ARHGAP25: variants seen among roughly 807,000 people sequenced by gnomAD.
ARHGAP25 encodes the protein Rho GTPase activating protein 25.
Under a neutral mutation model 71.0 loss-of-function variants are expected in ARHGAP25, and 34 were observed. The observed-to-expected ratio is 0.48, with a 90% CI of 0.36 to 0.64. ARHGAP25 has a LOEUF of 0.64. Among genes scored for constraint, ARHGAP25 ranks in the 30% least tolerant of loss-of-function variants. The pLI, the probability that ARHGAP25 is intolerant of heterozygous loss-of-function variation, is 0.00. For missense variants in ARHGAP25, 706 were observed against 805.1 expected (o/e 0.88, Z 1.49); for synonymous variants, 282 against 296.5 (o/e 0.95, Z 0.50).
intron 1 of ARHGAP25, among the ~76,000 whole-genome samples, chr2:68,736,463 A>G (rs983489428): frequency 1.3e-5 from 2 of 152,198 alleles, no homozygotes; most frequent in Non-Finnish European, 2.9e-5. Context: ...TACAAATTAT[A>G]TGGTTCTGTT....
At chr2:68,811,592 G>A (rs761101867) in intron 5 of ARHGAP25, among the ~76,000 whole-genome samples, 1 of 152,312 alleles carries the variant, frequency 6.6e-6, no homozygotes, top group East Asian at 1.9e-4. Flanking sequence ...CATAGAGTGG[G>A]CTCTGTGCCA....
At chr2:68,727,982 G>A (rs1229955309) in intron 2 of ARHGAP25, among the ~76,000 whole-genome samples, 1 of 152,196 alleles carries the variant, frequency 6.6e-6, no homozygotes, top group Non-Finnish European at 1.5e-5. Flanking sequence ...AAATGCAGCT[G>A]AAGTACATAG....
chr2:68,782,224 A>C lies in ARHGAP25; in HGVS notation c.262-9A>C. ...GCTTATCCTTAAGGCCTGACTTTTC[A>C]TCTTTCAGGGCTGCATGTATCTACC... On this transcript the variant is annotated splice_polypyrimidine_tract_variant and intron_variant, in intron 2 of 10. Coordinates refer to ENST00000409202, the MANE Select transcript of ARHGAP25 (RefSeq NM_001007231.3). 1 of 1,613,558 alleles carries C rather than the reference A, an allele frequency of 6.2e-7. No individual in the cohort carries two copies. The highest frequency in any genetic ancestry group is 8.5e-7 in the Non-Finnish European group (1 of 1,179,672).
At chr2:68,799,908 G>A (rs1003746141) in intron 4 of ARHGAP25, among the ~76,000 whole-genome samples, 2 of 152,156 alleles carry the variant, frequency 1.3e-5, no homozygotes, top group African/African-American at 4.8e-5. Context: ...CTGGCTCATC[G>A]GAGGCGTGAG....
chr2:68,727,732 C>T lies in ARHGAP25; in HGVS notation c.-18+17034C>T, dbSNP rs145482836. Among the ~76,000 whole-genome samples, 923 of 152,374 alleles carry T rather than the reference C, an allele frequency of 6.1e-3. 7 individuals are homozygous for T. Among genetic ancestry groups the T allele is most frequent in the Non-Finnish European group, 8.7e-3 (593 of 68,036 alleles). On this transcript the variant is annotated intron_variant and NMD_transcript_variant, in intron 2 of 7. Coordinates refer to the ARHGAP25 transcript ENST00000463483. Reference sequence around the variant, plus strand: ...CCGTGAGGCAGCTGGAATAGGATTGCTCCATTCCCCTGCCCAGGCATTGTT... The same window carrying T: ...CCGTGAGGCAGCTGGAATAGGATTGTTCCATTCCCCTGCCCAGGCATTGTT...
intron 9 of ARHGAP25, chr2:68,819,723 G>C (rs910377671): frequency 2.5e-5 from 13 of 511,236 alleles, no homozygotes; most frequent in African/African-American, 3.8e-5. Flanking sequence ...CCCATGAAAC[G>C]TGATTCCTTT....
chr2:68,793,940 T>C (rs1679369141), intron 4 of ARHGAP25, among the ~76,000 whole-genome samples: 1 of 152,188 alleles, frequency 6.6e-6, no homozygotes, highest in African/African-American at 2.4e-5. Flanking sequence ...CATTTACAAT[T>C]TCTTTTGTCA....
rs115232205 is a variant in ARHGAP25, at chr2:68,807,154, A to G, written c.467-119A>G. ...ATATTCTGAGTGATTTATCTCCCAT[A>G]TTTTGTCTAGTATCATTGCAATAAA... is the stretch of plus-strand genomic sequence containing the variant. On this transcript the variant is annotated intron_variant, in intron 4 of 10. Coordinates refer to ENST00000409202, the MANE Select transcript of ARHGAP25 (RefSeq NM_001007231.3). The G allele has an allele frequency of 4.5e-3, 4,048 of 898,568 alleles. 16 individuals carry two copies. Among genetic ancestry groups the G allele is most frequent in the Non-Finnish European group, 6.5e-3 (3,630 of 559,946 alleles). 55.7% of individuals were successfully genotyped at this position (898,568 alleles called of 1,614,324 possible).
At chr2:68,723,153 T>C (rs1018323109) in intron 2 of ARHGAP25, among the ~76,000 whole-genome samples, 10 of 152,144 alleles carry the variant, frequency 6.6e-5, no homozygotes, top group Non-Finnish European at 2.9e-5. Flanking sequence ...GAGGCAGTGG[T>C]CATAAATGAA....
intron 2 of ARHGAP25, among the ~76,000 whole-genome samples, chr2:68,781,327 T>C (rs1340641684): frequency 2.0e-5 from 3 of 152,012 alleles, no homozygotes; most frequent in Non-Finnish European, 4.4e-5. Context: ...GAGGCAGAGG[T>C]TGCAATGAGC....
intron 2 of ARHGAP25, among the ~76,000 whole-genome samples, chr2:68,721,881 C>CT (rs148602669): frequency 3.7e-4 from 57 of 152,362 alleles, no homozygotes; most frequent in African/African-American, 1.3e-3. Context: ...CTCTCCTTTC[C>CT]TACCTACTCC....
chr2:68,770,539 G>A (rs114214953), intron 1 of ARHGAP25, among the ~76,000 whole-genome samples: 3,616 of 152,256 alleles, frequency 0.024, 55 homozygotes, highest in Non-Finnish European at 0.035. Flanking sequence ...AAGTGATAAC[G>A]TTTCTCAGCT....
chr2:68,822,806 G>A lies in ARHGAP25; in HGVS notation c.1667G>A (p.Arg556Lys). The A allele has an allele frequency of 6.2e-7, 1 of 1,614,172 alleles. No individual in the cohort carries two copies. The highest frequency in any genetic ancestry group is 8.5e-7 in the Non-Finnish European group (1 of 1,180,016). The stretch of plus-strand genomic sequence containing the variant: ...GAAGAGGAAATTGATTCTTTGCAGA[G>A]GATGGTCCAAGAGCTACGAAAGGAA... ...SGEEEIDSLQ[R>K]MVQELRKEIE... Residue 556 changes from arginine (R) to lysine (K), a missense_variant, in exon 10 of 11, where the codon AGG becomes AAG. Arg to Lys is a conservative substitution (Grantham distance 26). Coordinates refer to ENST00000409202, the MANE Select transcript of ARHGAP25 (RefSeq NM_001007231.3).
intron 2 of ARHGAP25, among the ~76,000 whole-genome samples, chr2:68,728,572 A>AT (rs1270896916): frequency 3.9e-5 from 6 of 152,162 alleles, no homozygotes; most frequent in Non-Finnish European, 5.9e-5. Context: ...TGATAATGCC[A>AT]TTTTGTCAGG....
chr2:68,713,706 AG>A (rs1443297919), intron 2 of ARHGAP25, among the ~76,000 whole-genome samples: 1 of 152,214 alleles, frequency 6.6e-6, no homozygotes, highest in Non-Finnish European at 1.5e-5. Flanking sequence ...TTTAGCATGA[AG>A]GGCTGTTGAA....
chr2:68,740,098 T>TG (rs886406212), intron 1 of ARHGAP25, among the ~76,000 whole-genome samples: 6 of 152,084 alleles, frequency 3.9e-5, no homozygotes, highest in African/African-American at 1.4e-4. Flanking sequence ...TACAGTTCAG[T>TG]GGGGGCAGAG....
chr2:68,791,178 T>G (rs564702393), intron 4 of ARHGAP25, among the ~76,000 whole-genome samples: 12 of 152,342 alleles, frequency 7.9e-5, no homozygotes, highest in Admixed American at 7.2e-4. Context: ...GCTTTGCTCC[T>G]TGGCACATAA....
chr2:68,765,955 C>G (rs919987009), intron 1 of ARHGAP25, among the ~76,000 whole-genome samples: 1 of 152,204 alleles, frequency 6.6e-6, no homozygotes, highest in African/African-American at 2.4e-5. Context: ...AGGGCCAGTG[C>G]TTGATGGTAG....
Position 68,726,726 on chromosome 2 carries a change from C to T in ARHGAP25, c.-18+16028C>T, listed in dbSNP as rs368815886. On this transcript the variant is annotated intron_variant and NMD_transcript_variant, in intron 2 of 7. Transcript: ENST00000463483. ...ACCTTGGCAAAGGTGACATCAGTAACGAGAGGAGGTGCCTCCAACTGACTG... is the reference window on the plus strand; with the variant it reads ...ACCTTGGCAAAGGTGACATCAGTAATGAGAGGAGGTGCCTCCAACTGACTG... 4.1e-4 allele frequency among the ~76,000 whole-genome samples: 63 copies of T among 152,272 alleles called. No individual in the cohort carries two copies. In the South Asian group the frequency reaches 8.3e-3, roughly 20 times the overall value.
Sources: allele counts gnomAD v4.1 joint callset (sites outside exome capture counted in the v4.1 genomes callset), GRCh38; gene constraint gnomAD v4.1.1; transcripts MANE v1.5; gene names NCBI Gene and HGNC (gene_info 2026-07-23, HGNC 2026-07-21).